Variants in SMAD7 observed in about 807,000 individuals in gnomAD.
SMAD7 encodes the protein MAD (mothers against decapentaplegic, Drosophila) homolog 7.
In SMAD7, 8 loss-of-function variants were observed where a neutral mutation model predicts 38.7. That is an observed-to-expected ratio of 0.21 (90% CI 0.12 to 0.37). SMAD7 has a LOEUF of 0.37. Among genes scored for constraint, SMAD7 ranks in the 10% least tolerant of loss-of-function variants. The pLI is 1.00. For missense variants in SMAD7, 477 were observed against 577.9 expected (o/e 0.83, Z 1.79); for synonymous variants, 327 against 265.1 (o/e 1.23, Z -2.27).
intron 3 of SMAD7, among the ~76,000 whole-genome samples, chr18:48,924,461 T>A (rs536668693): frequency 6.6e-6 from 1 of 152,136 alleles, no homozygotes; most frequent in African/African-American, 2.4e-5. Flanking sequence ...GGGTGGGGAC[T>A]GGAGCCTGAG....
intron 2 of SMAD7, among the ~76,000 whole-genome samples, chr18:48,947,465 C>G (rs2070207637): frequency 6.6e-6 from 1 of 152,216 alleles, no homozygotes; most frequent in Non-Finnish European, 1.5e-5. Context: ...CTCCCAGAAC[C>G]TTGGCAAAAT....
At chr18:48,924,060 G>C (rs562362377) in intron 3 of SMAD7, among the ~76,000 whole-genome samples, 3 of 152,202 alleles carry the variant, frequency 2.0e-5, no homozygotes, top group South Asian at 2.1e-4. Flanking sequence ...AGTGTGAAGC[G>C]GGGGAGAAAG....
intron 2 of SMAD7, among the ~76,000 whole-genome samples, chr18:48,946,768 A>G (rs935133191): frequency 1.3e-5 from 2 of 152,204 alleles, no homozygotes; most frequent in Non-Finnish European, 2.9e-5. Context: ...CCACTCACCG[A>G]AAATGAGGCC....
intron 3 of SMAD7, among the ~76,000 whole-genome samples, chr18:48,942,267 C>T (rs565937874): frequency 2.6e-5 from 4 of 152,174 alleles, no homozygotes; most frequent in South Asian, 4.1e-4. Context: ...TCCCCGTCCA[C>T]GGAACGGATC....
intron 3 of SMAD7, among the ~76,000 whole-genome samples, chr18:48,929,565 T>TCACA (rs756130657): frequency 2.0e-3 from 82 of 40,204 alleles, no homozygotes; most frequent in South Asian, 0.017. Context: ...TCTCTCTCTC[T>TCACA]CTCTCACTCA....
intron 3 of SMAD7, among the ~76,000 whole-genome samples, chr18:48,922,120 G>A (rs956325941): frequency 6.6e-6 from 1 of 152,176 alleles, no homozygotes; most frequent in Non-Finnish European, 1.5e-5. Flanking sequence ...AGGAAGCGCT[G>A]GGTGCTGCTT....
chr18:48,933,903 C>T (rs902940356), intron 3 of SMAD7, among the ~76,000 whole-genome samples: 1 of 152,184 alleles, frequency 6.6e-6, no homozygotes, highest in Non-Finnish European at 1.5e-5. Context: ...AAACAAAGCA[C>T]GCTAAGGAAA....
chr18:48,925,571 C>T (rs1393354064), intron 3 of SMAD7, among the ~76,000 whole-genome samples: 3 of 152,086 alleles, frequency 2.0e-5, no homozygotes, highest in Non-Finnish European at 4.4e-5. Flanking sequence ...GCAAGGAGCT[C>T]CCTGACTCTT....
intron 2 of SMAD7, among the ~76,000 whole-genome samples, chr18:48,946,190 T>G (rs1348669297): frequency 2.6e-5 from 4 of 152,216 alleles, no homozygotes; most frequent in Non-Finnish European, 5.9e-5. Flanking sequence ...CTGGTTAAGA[T>G]TTTAACAGTT....
intron 3 of SMAD7, among the ~76,000 whole-genome samples, chr18:48,932,155 G>A (rs1327905990): frequency 2.6e-5 from 4 of 152,156 alleles, no homozygotes; most frequent in Non-Finnish European, 2.9e-5. Context: ...CAGTGAGGCT[G>A]ACAAGGTCCC....
chr18:48,948,631 G>A (rs2070224461), intron 1 of SMAD7, 194 bp from the exon 2 acceptor site: 1 of 423,956 alleles, frequency 2.4e-6, no homozygotes, highest in Non-Finnish European at 4.2e-6. Context: ...GCCAGCCTCG[G>A]CGCTCCGCTC....
In SMAD7 at chr18:48,944,731, C is replaced by T. The variant is rs537104494; in HGVS notation, c.668-2176G>A. ...AAAGGAGCCATACCTCCATCTCTCA[C>T]CCACAGAAAAGCTCCGCATAGACAG... On this transcript the variant is annotated intron_variant, in intron 2 of 3. Transcript: ENST00000262158. Among the ~76,000 whole-genome samples the T allele has an allele frequency of 1.8e-3, 270 of 152,308 alleles. 2 individuals are homozygous for T. The highest frequency in any genetic ancestry group is 3.4e-3 in the Middle Eastern group (1 of 294).
chr18:48,930,994 A>C (rs1334465984), intron 3 of SMAD7, among the ~76,000 whole-genome samples: 1 of 152,258 alleles, frequency 6.6e-6, no homozygotes, highest in Non-Finnish European at 1.5e-5. Context: ...AAAAAGAAGG[A>C]AATTCTGACA....
At chr18:48,929,580 C>CACACACACACACACACAG (rs2143772646) in intron 3 of SMAD7, among the ~76,000 whole-genome samples, 1 of 150,966 alleles carries the variant, frequency 6.6e-6, no homozygotes, top group African/African-American at 2.4e-5. Context: ...CACTCACACA[C>CACACACACACACACACAG]ACACACACAC....
intron 2 of SMAD7, among the ~76,000 whole-genome samples, chr18:48,943,584 A>T (rs1180102569): frequency 6.6e-6 from 1 of 152,200 alleles, no homozygotes; most frequent in East Asian, 1.9e-4. Context: ...AACTCCCTGA[A>T]GTCCTAGCGG....
rs190829462 is a variant in SMAD7 at position 48,945,458 on chromosome 18, C to G, written c.668-2903G>C. Reference sequence around the variant, plus strand: ...GCCTGGGCACAGAATGAGACTGTCTCGGAAAAAAAAAGAACACAGCACTGC... The same window carrying G: ...GCCTGGGCACAGAATGAGACTGTCTGGGAAAAAAAAAGAACACAGCACTGC... On this transcript the variant is annotated intron_variant, in intron 2 of 3. Coordinates refer to ENST00000262158, the MANE Select transcript of SMAD7 (RefSeq NM_005904.4). Among the ~76,000 whole-genome samples the G allele has an allele frequency of 5.3e-5, 8 of 151,264 alleles. No individual in the cohort carries two copies. In the South Asian group the frequency reaches 1.5e-3, roughly 28 times the overall value.
intron 2 of SMAD7, among the ~76,000 whole-genome samples, chr18:48,943,058 G>A (rs959427047): frequency 2.0e-5 from 3 of 152,088 alleles, no homozygotes; most frequent in African/African-American, 7.2e-5. Flanking sequence ...TTTTAATTGA[G>A]GACTAACTTA....
In SMAD7 at chr18:48,921,519, C is replaced by T. The variant is rs2143749493; in HGVS notation, c.1134G>A (p.Gln378=). The change falls in exon 4 of 4, where the codon CAG becomes CAA. Residue 378 remains glutamine (Q), a synonymous_variant. Transcript: ENST00000262158. The surrounding 1 kb of genome is among the most constrained non-coding windows in gnomAD (Gnocchi z 6.4). ...GCATAAACTCGTGGTCATTGGGCCG[C>T]TGCAGGCTGTACGCCTTCTCGTAGT... The part of the protein sequence containing the change: ...AFDYEKAYSL[Q]RPNDHEFMQQ... 6.2e-7 allele frequency: 1 copy of T among 1,614,260 alleles called. No individual in the cohort carries two copies.
At chr18:48,937,419 G>A (rs906582432) in intron 3 of SMAD7, among the ~76,000 whole-genome samples, 1 of 152,142 alleles carries the variant, frequency 6.6e-6, no homozygotes, top group Non-Finnish European at 1.5e-5. Context: ...CTGGGGACAG[G>A]ATGCGTGAGG....
Sources: allele counts gnomAD v4.1 joint callset (sites outside exome capture counted in the v4.1 genomes callset), GRCh38; gene constraint gnomAD v4.1.1; non-coding constraint Gnocchi (gnomAD v3.1); transcripts MANE v1.5; gene names NCBI Gene and HGNC (gene_info 2026-07-23, HGNC 2026-07-21).